Variants in CCDC182 observed in about 807,000 individuals in gnomAD.
CCDC182 encodes coiled-coil domain-containing protein 182.
In CCDC182, 1 loss-of-function variant was observed where a neutral mutation model predicts 4.6. The ratio of observed to expected loss-of-function variants is 0.22; its 90% CI spans 0.08 to 1.02. The LOEUF (loss-of-function observed/expected upper bound fraction) is 1.02, where lower values mean the gene tolerates loss of function less well. Among genes scored for constraint, CCDC182 ranks in the 50% least tolerant of loss-of-function variants. The pLI, the probability that CCDC182 is intolerant of heterozygous loss-of-function variation, is 0.58. For missense variants in CCDC182, 209 were observed against 196.8 expected (o/e 1.06, Z -0.37); for synonymous variants, 82 against 83.9 (o/e 0.98, Z 0.12).
At position 57,744,649 on chromosome 17, in the gene CCDC182, A is replaced by C; in HGVS notation, c.*162T>G. Reference sequence around the variant, plus strand: ...ATGCTGGATAAATGGAATTTCACCAAAAAAAATATTGAAGTCTTTTTGCCT... The same window carrying C: ...ATGCTGGATAAATGGAATTTCACCACAAAAAATATTGAAGTCTTTTTGCCT... On this transcript the variant is annotated 3_prime_UTR_variant, in exon 1 of 1. Transcript: ENST00000299415. The C allele has an allele frequency of 1.6e-6, 1 of 606,854 alleles. No homozygotes were observed. The highest frequency in any genetic ancestry group is 2.9e-6 in the Non-Finnish European group (1 of 341,786). The allele number at this position is 606,854 out of a possible 1,614,324, so 37.6% of individuals were successfully genotyped here.
rs1241367757 is a variant in CCDC182 at position 57,744,771 on chromosome 17, A to T, written c.*40T>A. ...TGGGGTTTCTCCTTCCGTTAAAAAA[A>T]ATCTTCAACTTGGTGCTTGGCTAGT... On this transcript the variant is annotated 3_prime_UTR_variant, in exon 1 of 1. Transcript: ENST00000299415. 7.3e-7 allele frequency: 1 copy of T among 1,376,754 alleles called. No individual in the cohort carries two copies. The highest frequency in any genetic ancestry group is 9.9e-7 in the Non-Finnish European group (1 of 1,015,150). 85.3% of individuals were successfully genotyped at this position (1,376,754 alleles called of 1,614,324 possible). A position where few individuals can be genotyped will look rare whatever the true frequency, so the allele number is the denominator to read the frequency against.
Position 57,744,498 on chromosome 17 carries a change from G to T in CCDC182, c.*313C>A. 8.2e-6 allele frequency: 2 copies of T among 242,676 alleles called. No individual in the cohort carries two copies. The highest frequency in any genetic ancestry group is 1.6e-5 in the Non-Finnish European group (2 of 124,612). The allele number at this position is 242,676 out of a possible 1,614,324, so 15.0% of individuals were successfully genotyped here. A position where few individuals can be genotyped will look rare whatever the true frequency, so the allele number is the denominator to read the frequency against. Reference sequence around the variant, plus strand: ...AAAAGGTGAATGTTCAACACAATCAGTTTAAGAATATACTATACAAATAAA... The same window carrying T: ...AAAAGGTGAATGTTCAACACAATCATTTTAAGAATATACTATACAAATAAA... On this transcript the variant is annotated 3_prime_UTR_variant, in exon 1 of 1. Transcript: ENST00000299415.
rs1389674548 is a variant in CCDC182, at chr17:57,745,132, G to A, written c.141C>T (p.Asp47=). Residue 47 remains aspartate, a synonymous_variant, in exon 1 of 1, where the codon GAC becomes GAT. Transcript: ENST00000299415. ...SWPSCLPPPA[D]LEILQQKVAG... ...CCACCTTCTGCTGCAGGATCTCCAA[G>A]TCAGCGGGTGGTGGGAGGCAGGAGG... 1.3e-6 allele frequency: 2 copies of A among 1,550,708 alleles called. No homozygotes were observed. The highest frequency in any genetic ancestry group is 3.9e-5 in the Admixed American group (2 of 51,002).
rs1308581127 is a variant in CCDC182, at chr17:57,744,712, G to A, written c.*99C>T. On this transcript the variant is annotated 3_prime_UTR_variant, in exon 1 of 1. Coordinates refer to ENST00000299415, the MANE Select transcript of CCDC182 (RefSeq NM_001282544.2). The stretch of plus-strand genomic sequence containing the variant: ...TTATTTAGGCAGAAGGAAAGCAATG[G>A]AAATGAGGAAGGGAAAGCAAGGGGG... 1.6e-5 allele frequency: 12 copies of A among 744,362 alleles called. No homozygotes were observed. The highest frequency in any genetic ancestry group is 2.4e-5 in the Non-Finnish European group (11 of 455,914). The allele number at this position is 744,362 out of a possible 1,614,324, so 46.1% of individuals were successfully genotyped here.
chr17:57,744,990 C>T lies in CCDC182; in HGVS notation c.283G>A (p.Ala95Thr). Residue 95 changes from alanine (A) to threonine (T), a missense_variant, in exon 1 of 1, where the codon GCT becomes ACT. Coordinates refer to ENST00000299415, the MANE Select transcript of CCDC182 (RefSeq NM_001282544.2). ...TCCCTTAGCCGCTGCCTCACGCGAG[C>T]CGCCTGCTCCTCCTGTTGCACCAGG... is the stretch of plus-strand genomic sequence containing the variant. ...GALVQQEEQAARVRQRLREEE... is the reference protein window; with the variant it reads ...GALVQQEEQATRVRQRLREEE... 1 of 1,550,872 alleles carries T rather than the reference C, an allele frequency of 6.4e-7. No individual in the cohort carries two copies. Among genetic ancestry groups the T allele is most frequent in the Non-Finnish European group, 8.7e-7 (1 of 1,147,032 alleles).
In CCDC182 at chr17:57,744,756, C is replaced by G; in HGVS notation, c.*55G>C. The G allele has an allele frequency of 3.3e-6, 4 of 1,220,340 alleles. No homozygotes were observed. Among genetic ancestry groups the G allele is most frequent in the Non-Finnish European group, 4.6e-6 (4 of 875,480 alleles). The allele number at this position is 1,220,340 out of a possible 1,614,324, so 75.6% of individuals were successfully genotyped here. ...AAGGGGGTAGGGACTTGGGGTTTCT[C>G]CTTCCGTTAAAAAAAATCTTCAACT... On this transcript the variant is annotated 3_prime_UTR_variant, in exon 1 of 1. Coordinates refer to ENST00000299415, the MANE Select transcript of CCDC182 (RefSeq NM_001282544.2).
Position 57,744,767 on chromosome 17 carries a change from A to G in CCDC182, c.*44T>C. Reference sequence around the variant, plus strand: ...GACTTGGGGTTTCTCCTTCCGTTAAAAAAAATCTTCAACTTGGTGCTTGGC... The same window carrying G: ...GACTTGGGGTTTCTCCTTCCGTTAAGAAAAATCTTCAACTTGGTGCTTGGC... On this transcript the variant is annotated 3_prime_UTR_variant, in exon 1 of 1. Transcript: ENST00000299415. 7.4e-7 allele frequency: 1 copy of G among 1,358,572 alleles called. No homozygotes were observed. The highest frequency in any genetic ancestry group is 1.0e-6 in the Non-Finnish European group (1 of 999,308). 84.2% of individuals were successfully genotyped at this position (1,358,572 alleles called of 1,614,324 possible). A position where few individuals can be genotyped will look rare whatever the true frequency, so the allele number is the denominator to read the frequency against.
rs913349780 is a variant in CCDC182, at chr17:57,745,036, G to A, written c.237C>T (p.Ala79=). The change falls in exon 1 of 1, where the codon GCC becomes GCT. Residue 79 remains alanine, a synonymous_variant. Transcript: ENST00000299415. The part of the protein sequence containing the change: ...ALKSIHYLED[A]FCEMNGALVQ... ...CCAGGGCTCCATTCATCTCGCAGAAGGCGTCTTCAAGGTAATGAATGGACT... is the reference window on the plus strand; with the variant it reads ...CCAGGGCTCCATTCATCTCGCAGAAAGCGTCTTCAAGGTAATGAATGGACT... 3.2e-6 allele frequency: 5 copies of A among 1,551,002 alleles called. No homozygotes were observed. The South Asian group carries it at 3.6e-5, about 11-fold the overall frequency.
In CCDC182 at chr17:57,745,088, A is replaced by C. The variant is rs1260162800; in HGVS notation, c.185T>G (p.Leu62Arg). 6.4e-7 allele frequency: 1 copy of C among 1,550,892 alleles called. No individual in the cohort carries two copies. Among genetic ancestry groups the C allele is most frequent in the Admixed American group, 2.0e-5 (1 of 51,012 alleles). Residue 62 changes from leucine (L) to arginine (R), a missense_variant, in exon 1 of 1, where the codon CTG (leucine) becomes CGG (arginine). By Grantham distance (102) the Leu-to-Arg change is moderately radical. Transcript: ENST00000299415. ...QQKVAGVQRE[L>R]EDFKKEALKS... ...CAATGCCTCTTTCTTAAAGTCCTCCAGTTCCCGTTGCACCCCGGCCACCTT... is the reference window on the plus strand; with the variant it reads ...CAATGCCTCTTTCTTAAAGTCCTCCCGTTCCCGTTGCACCCCGGCCACCTT...
chr17:57,744,638 G>T lies in CCDC182; in HGVS notation c.*173C>A. On this transcript the variant is annotated 3_prime_UTR_variant, in exon 1 of 1. Coordinates refer to ENST00000299415, the MANE Select transcript of CCDC182 (RefSeq NM_001282544.2). The stretch of plus-strand genomic sequence containing the variant: ...CTTCCTTTAGAATGCTGGATAAATG[G>T]AATTTCACCAAAAAAAATATTGAAG... 1.7e-6 allele frequency: 1 copy of T among 598,536 alleles called. No homozygotes were observed. The highest frequency in any genetic ancestry group is 1.9e-5 in the African/African-American group (1 of 53,964). The allele number at this position is 598,536 out of a possible 1,614,324, so 37.1% of individuals were successfully genotyped here. A position where few individuals can be genotyped will look rare whatever the true frequency, so the allele number is the denominator to read the frequency against.
At position 57,744,743 on chromosome 17, in the gene CCDC182, A is replaced by C; in HGVS notation, c.*68T>G. On this transcript the variant is annotated 3_prime_UTR_variant, in exon 1 of 1. Coordinates refer to ENST00000299415, the MANE Select transcript of CCDC182 (RefSeq NM_001282544.2). ...AGGAAGGGAAAGCAAGGGGGTAGGGACTTGGGGTTTCTCCTTCCGTTAAAA... is the reference window on the plus strand; with the variant it reads ...AGGAAGGGAAAGCAAGGGGGTAGGGCCTTGGGGTTTCTCCTTCCGTTAAAA... 9.9e-7 allele frequency: 1 copy of C among 1,014,774 alleles called. No homozygotes were observed. The highest frequency in any genetic ancestry group is 1.5e-6 in the Non-Finnish European group (1 of 689,610). 62.9% of individuals were successfully genotyped at this position (1,014,774 alleles called of 1,614,324 possible). A position where few individuals can be genotyped will look rare whatever the true frequency, so the allele number is the denominator to read the frequency against.
chr17:57,744,630 G>A lies in CCDC182; in HGVS notation c.*181C>T. 1 of 593,426 alleles carries A rather than the reference G, an allele frequency of 1.7e-6. No homozygotes were observed. The highest frequency in any genetic ancestry group is 2.8e-5 in the East Asian group (1 of 35,872). The allele number at this position is 593,426 out of a possible 1,614,324, so 36.8% of individuals were successfully genotyped here. A position where few individuals can be genotyped will look rare whatever the true frequency, so the allele number is the denominator to read the frequency against. On this transcript the variant is annotated 3_prime_UTR_variant, in exon 1 of 1. Transcript: ENST00000299415. ...GGTGCCTCCTTCCTTTAGAATGCTG[G>A]ATAAATGGAATTTCACCAAAAAAAA... is the stretch of plus-strand genomic sequence containing the variant.
rs779031244 is a variant in CCDC182 at position 57,744,798 on chromosome 17, C to G, written c.*13G>C. The G allele has an allele frequency of 1.9e-5, 28 of 1,505,968 alleles. No individual in the cohort carries two copies. The South Asian group carries it at 3.3e-4, about 18-fold the overall frequency. The allele number at this position is 1,505,968 out of a possible 1,614,324, so 93.3% of individuals were successfully genotyped here. Reference sequence around the variant, plus strand: ...TCTTCAACTTGGTGCTTGGCTAGTGCCACCCACGAGGTTCAGTCAGCCTGG... The same window carrying G: ...TCTTCAACTTGGTGCTTGGCTAGTGGCACCCACGAGGTTCAGTCAGCCTGG... On this transcript the variant is annotated 3_prime_UTR_variant, in exon 1 of 1. Transcript: ENST00000299415.
At position 57,745,119 on chromosome 17, in the gene CCDC182, G is replaced by C. The variant is rs2073272286; in HGVS notation, c.154C>G (p.Gln52Glu). Residue 52 changes from glutamine to glutamate, a missense_variant, in exon 1 of 1, where the codon CAG (glutamine) becomes GAG (glutamate). Transcript: ENST00000299415. ...LPPPADLEIL[Q>E]QKVAGVQREL... ...CGTTGCACCCCGGCCACCTTCTGCTGCAGGATCTCCAAGTCAGCGGGTGGT... is the reference window on the plus strand; with the variant it reads ...CGTTGCACCCCGGCCACCTTCTGCTCCAGGATCTCCAAGTCAGCGGGTGGT... 2.1e-5 allele frequency: 32 copies of C among 1,550,722 alleles called. No homozygotes were observed. The highest frequency in any genetic ancestry group is 2.7e-5 in the Non-Finnish European group (31 of 1,146,964).
chr17:57,744,535 T>C lies in CCDC182; in HGVS notation c.*276A>G. The C allele has an allele frequency of 2.5e-6, 1 of 399,172 alleles. No homozygotes were observed. The highest frequency in any genetic ancestry group is 4.5e-6 in the Non-Finnish European group (1 of 220,548). 24.7% of individuals were successfully genotyped at this position (399,172 alleles called of 1,614,324 possible). A position where few individuals can be genotyped will look rare whatever the true frequency, so the allele number is the denominator to read the frequency against. On this transcript the variant is annotated 3_prime_UTR_variant, in exon 1 of 1. Coordinates refer to ENST00000299415, the MANE Select transcript of CCDC182 (RefSeq NM_001282544.2). ...ACTATACAAATAAAGAGGTATACAT[T>C]GAGCAATAGTACCATTACAAACAGG...
In CCDC182 at chr17:57,744,909, C is replaced by A; in HGVS notation, c.364G>T (p.Glu122Ter). ...TTGCAGTGCTCCCGGAGCTGTTTCT[C>A]GCGCGGCAACAGGAAGGTGAGAACC... ...NKVLTFLLPR[E>*]KQLREHCKRL... The change falls in exon 1 of 1, where the codon GAG (glutamate) becomes TAG (stop). Residue 122 changes from glutamate (E) to a stop codon, truncating the protein, a stop_gained. Transcript: ENST00000299415. LOFTEE classifies it low-confidence loss of function (END_TRUNC). The A allele has an allele frequency of 6.4e-7, 1 of 1,550,614 alleles. No individual in the cohort carries two copies.
In CCDC182 at chr17:57,744,878, A is replaced by G; in HGVS notation, c.395T>C (p.Leu132Pro). 1 of 1,550,430 alleles carries G rather than the reference A, an allele frequency of 6.4e-7. No individual in the cohort carries two copies. Among genetic ancestry groups the G allele is most frequent in the East Asian group, 2.4e-5 (1 of 40,914 alleles). ...TCCCCTGTCCAGCAGCAGGTCCTCC[A>G]GCCGCTTGCAGTGCTCCCGGAGCTG... ...EKQLREHCKR[L>P]EDLLLDRGRD... Residue 132 changes from leucine (L) to proline (P), a missense_variant, in exon 1 of 1, where the codon CTG (leucine) becomes CCG (proline). Transcript: ENST00000299415.
chr17:57,744,901 CTG>C lies in CCDC182; in HGVS notation c.370_371del (p.Gln124AlafsTer18). 4.5e-6 allele frequency: 7 copies of C among 1,550,614 alleles called. No individual in the cohort carries two copies. Among genetic ancestry groups the C allele is most frequent in the Non-Finnish European group, 5.2e-6 (6 of 1,147,000 alleles). On this transcript the variant is annotated frameshift_variant, in exon 1 of 1. Coordinates refer to ENST00000299415, the MANE Select transcript of CCDC182 (RefSeq NM_001282544.2). LOFTEE classifies it low-confidence loss of function (END_TRUNC). ...VLTFLLPREK[Q>X]LREHCKRLED... The stretch of plus-strand genomic sequence containing the variant: ...CCAGCCGCTTGCAGTGCTCCCGGAG[CTG>C]TTTCTCGCGCGGCAACAGGAAGGTG...
Position 57,744,846 on chromosome 17 carries a change from C to T in CCDC182, c.427G>A (p.Ala143Thr), listed in dbSNP as rs1290822070. The T allele has an allele frequency of 3.2e-6, 5 of 1,546,252 alleles. No homozygotes were observed. The South Asian group carries it at 4.8e-5, about 15-fold the overall frequency. ...EDLLLDRGRD[A>T]LRATKKSQAD ...TGGCTCTTCTTGGTGGCACGCAGGG[C>T]GTCACGTCCCCTGTCCAGCAGCAGG... Residue 143 changes from alanine to threonine, a missense_variant, in exon 1 of 1, where the codon GCC becomes ACC. Transcript: ENST00000299415.
Sources: allele counts gnomAD v4.1 joint callset, GRCh38; gene constraint gnomAD v4.1.1; transcripts MANE v1.5; gene names NCBI Gene and HGNC (gene_info 2026-07-23, HGNC 2026-07-21).